The following AFF1 variants were observed in gnomAD, a reference collection of about 807,000 sequenced individuals.
The protein encoded by AFF1 is AF4/FMR2 family member 1.
In AFF1, 48 loss-of-function variants were observed where a neutral mutation model predicts 121.7. That is an observed-to-expected ratio of 0.39 (90% CI 0.31 to 0.50). AFF1 has a LOEUF of 0.50. Ranked by LOEUF, AFF1 falls within the 20% of genes least tolerant of loss-of-function variation. The pLI is 0.76. For synonymous variants in AFF1, 613 were observed against 563.0 expected (o/e 1.09, Z -1.26); for missense variants, 1,523 against 1,511.7 (o/e 1.01, Z -0.12).
In AFF1 at chr4:87,060,816, C is replaced by T. The variant is rs866962999; in HGVS notation, c.1059+13222C>T. Among the ~76,000 whole-genome samples the T allele has an allele frequency of 2.5e-4, 28 of 113,190 alleles. No individual in the cohort carries two copies. The South Asian group carries it at 3.1e-3, about 12-fold the overall frequency. 74.3% of individuals were successfully genotyped at this position (113,190 alleles called of 152,430 possible). A position where few individuals can be genotyped will look rare whatever the true frequency, so the allele number is the denominator to read the frequency against. The stretch of plus-strand genomic sequence containing the variant: ...ATCACGCCACTGCACTCCAGCCTGG[C>T]GAGAGTGAGACTCTGTCTCAAAAAA... On this transcript the variant is annotated intron_variant, in intron 4 of 20. Coordinates refer to ENST00000395146, the MANE Select transcript of AFF1 (RefSeq NM_001166693.3).
At chr4:87,007,026 G>A (rs1425756615) in intron 2 of AFF1, 41 of 1,154,426 alleles carry the variant, frequency 3.6e-5, no homozygotes, top group Non-Finnish European at 4.3e-5. Flanking sequence ...CCCGCGTTGT[G>A]CTGTTGCTGG....
intron 8 of AFF1, among the ~76,000 whole-genome samples, chr4:87,104,565 C>G (rs1337649967): frequency 6.6e-6 from 1 of 152,102 alleles, no homozygotes; most frequent in African/African-American, 2.4e-5. Context: ...CGGTCATTTA[C>G]GAAACAGCCA....
At chr4:86,947,811 TTTTG>T (rs1009889967) in intron 1 of AFF1, among the ~76,000 whole-genome samples, 38 of 63,516 alleles carry the variant, frequency 6.0e-4, no homozygotes, top group Admixed American at 3.7e-3. Flanking sequence ...TTATTTCGGT[TTTTG>T]TTTGTTTTTT....
intron 4 of AFF1, among the ~76,000 whole-genome samples, chr4:87,065,570 A>G (rs1439608899): frequency 6.6e-6 from 1 of 152,116 alleles, no homozygotes; most frequent in African/African-American, 2.4e-5. Context: ...AAGTAGTATT[A>G]TGACGCAGTG....
intron 4 of AFF1, among the ~76,000 whole-genome samples, chr4:87,064,049 T>A (rs75335495): frequency 0.015 from 2,354 of 152,372 alleles, 65 homozygotes; most frequent in African/African-American, 0.054. Flanking sequence ...AGATATTTTA[T>A]GCCCTAATAA....
At chr4:86,986,492 A>G (rs1439190880) in intron 2 of AFF1, among the ~76,000 whole-genome samples, 1 of 152,196 alleles carries the variant, frequency 6.6e-6, no homozygotes, top group East Asian at 1.9e-4. Flanking sequence ...ATTTAGACAG[A>G]AATCTGATCA....
chr4:87,038,450 G>A (rs1729780956), intron 2 of AFF1, among the ~76,000 whole-genome samples: 1 of 152,168 alleles, frequency 6.6e-6, no homozygotes. Context: ...TTTTCATAAA[G>A]CCAATGTGTG....
intron 2 of AFF1, among the ~76,000 whole-genome samples, chr4:87,021,914 C>T (rs1727934865): frequency 6.6e-6 from 1 of 152,146 alleles, no homozygotes; most frequent in Admixed American, 6.5e-5. Flanking sequence ...TTAGAAATGC[C>T]ATGCTAGGGC....
At chr4:86,967,963 G>A (rs1183404109) in intron 2 of AFF1, among the ~76,000 whole-genome samples, 1 of 152,160 alleles carries the variant, frequency 6.6e-6, no homozygotes, top group African/African-American at 2.4e-5. Flanking sequence ...GAGTGCTCAG[G>A]AACTTGAACT....
At chr4:87,135,501 T>C (rs1729223467) in intron 20 of AFF1, 79 bp from the exon 21 acceptor site, 1 of 1,416,888 alleles carries the variant, frequency 7.1e-7, no homozygotes, top group Non-Finnish European at 9.4e-7. Context: ...TTCTGGAACC[T>C]TGAATTTTTG....
intron 2 of AFF1, among the ~76,000 whole-genome samples, chr4:86,999,387 G>A (rs1438363218): frequency 6.6e-6 from 1 of 152,100 alleles, no homozygotes; most frequent in Admixed American, 6.6e-5. Flanking sequence ...CCTGTATGGA[G>A]AAACCACCCC....
chr4:86,945,498 T>TTC (rs1491218991), intron 1 of AFF1, among the ~76,000 whole-genome samples: 1 of 2,882 alleles, frequency 3.5e-4, no homozygotes, highest in Non-Finnish European at 5.2e-3. Flanking sequence ...CCTTTCCCAA[T>TTC]TTTTTTTTTT....
chr4:87,006,843 C>T, intron 2 of AFF1: 1 of 539,954 alleles, frequency 1.9e-6, no homozygotes. Context: ...GCTCTGCCCC[C>T]TACCCGACCC....
At chr4:87,036,067 A>G (rs1578116266) in intron 2 of AFF1, among the ~76,000 whole-genome samples, 1 of 152,160 alleles carries the variant, frequency 6.6e-6, no homozygotes, top group African/African-American at 2.4e-5. Context: ...ACACGTATCC[A>G]CATTTCTGAT....
chr4:86,978,700 T>C (rs1011824054), intron 2 of AFF1, among the ~76,000 whole-genome samples: 1 of 152,210 alleles, frequency 6.6e-6, no homozygotes, highest in Non-Finnish European at 1.5e-5. Context: ...GATATATCCT[T>C]GTCTGTAGCC....
intron 4 of AFF1, among the ~76,000 whole-genome samples, chr4:87,066,181 C>G (rs1343061870): frequency 6.6e-6 from 1 of 152,160 alleles, no homozygotes; most frequent in Non-Finnish European, 1.5e-5. Flanking sequence ...ATCGTGACAT[C>G]CATCCTAATA....
chr4:86,949,733 C>A, intron 2 of AFF1: 1 of 1,601,276 alleles, frequency 6.2e-7, no homozygotes, highest in Non-Finnish European at 8.5e-7. Flanking sequence ...CAGGTAGCTG[C>A]GGTGCTTGCC....
chr4:86,988,019 T>A (rs1334589976), intron 2 of AFF1, among the ~76,000 whole-genome samples: 1 of 105,396 alleles, frequency 9.5e-6, no homozygotes, highest in African/African-American at 3.7e-5. Context: ...AACCCCAGAG[T>A]TTCTGATTCA....
rs1726118327 is a variant in AFF1, at chr4:87,108,214, T to G, written c.1432T>G (p.Ser478Ala). 6.2e-7 allele frequency: 1 copy of G among 1,613,934 alleles called. No homozygotes were observed. The highest frequency in any genetic ancestry group is 8.5e-7 in the Non-Finnish European group (1 of 1,179,978). Residue 478 changes from serine (S) to alanine (A), a missense_variant, in exon 11 of 21, where the codon TCA becomes GCA. By Grantham distance (99) the Ser-to-Ala change is moderately conservative. Coordinates refer to ENST00000395146, the MANE Select transcript of AFF1 (RefSeq NM_001166693.3). ...VASAHSSSAE[S>A]ESTSDSDSSS... ...ATCAGCACATTCCAGCAGTGCAGAG[T>G]CAGAAAGCACCAGTGACTCAGACAG...
Sources: gnomAD v4.1 joint callset for allele counts (sites outside exome capture counted in the v4.1 genomes callset) on GRCh38, gnomAD v4.1.1 for gene constraint, MANE v1.5 for transcripts, NCBI Gene and HGNC (gene_info 2026-07-23, HGNC 2026-07-21) for gene names.